Variants in CHRM2 observed in about 807,000 individuals in gnomAD.
CHRM2 encodes the protein muscarinic acetylcholine receptor M2.
A neutral mutation model predicts 25.0 loss-of-function variants in CHRM2; 8 were observed. The observed-to-expected ratio is 0.32, with a 90% CI of 0.19 to 0.58. CHRM2 has a LOEUF of 0.58. CHRM2 is among the 20% of genes least tolerant of loss of function. The pLI, the probability that CHRM2 is intolerant of heterozygous loss-of-function variation, is 0.88. For synonymous variants in CHRM2, 202 were observed against 205.7 expected, an observed-to-expected ratio of 0.98 and a Z score of 0.15; for missense variants, 440 against 567.1, an observed-to-expected ratio of 0.78 and a Z score of 2.28.
chr7:137,000,592 G>GAAGGAAGA, intron 3 of CHRM2, among the ~76,000 whole-genome samples: 2 of 147,790 alleles, frequency 1.4e-5, no homozygotes, highest in South Asian at 4.3e-4. Flanking sequence ...AGGAAGGAAG[G>GAAGGAAGA]GAAAAAAAGC....
rs1327787113 is a variant in CHRM2, at chr7:136,869,194, C to T, written c.-282-67C>T. 2.6e-5 allele frequency: 4 copies of T among 152,312 alleles called. No individual in the cohort carries two copies. The highest frequency in any genetic ancestry group is 5.9e-5 in the Non-Finnish European group (4 of 68,166). 9.4% of individuals were successfully genotyped at this position (152,312 alleles called of 1,614,324 possible). Reference sequence around the variant, plus strand: ...TTGGGGTCGGTTCTCTCCCGCCTCTCCCGCCTCTCCCGCCCCACCCCTACA... The same window carrying T: ...TTGGGGTCGGTTCTCTCCCGCCTCTTCCGCCTCTCCCGCCCCACCCCTACA... On this transcript the variant is annotated intron_variant, in intron 1 of 3. Coordinates refer to ENST00000680005, the MANE Select transcript of CHRM2 (RefSeq NM_001006630.2). The surrounding 1 kb of genome is among the most constrained non-coding windows in gnomAD (Gnocchi z 4.9).
At chr7:136,969,127 T>G (rs559538359) in intron 2 of CHRM2, among the ~76,000 whole-genome samples, 1 of 152,138 alleles carries the variant, frequency 6.6e-6, no homozygotes, top group Non-Finnish European at 1.5e-5. Context: ...AGGGGCATTA[T>G]GTAGAAGTTA....
chr7:137,013,629 T>C (rs949605363), intron 3 of CHRM2, among the ~76,000 whole-genome samples: 4 of 152,036 alleles, frequency 2.6e-5, no homozygotes, highest in Non-Finnish European at 2.9e-5. Context: ...ATCCCCAATA[T>C]ACATTTTCCA....
intron 2 of CHRM2, among the ~76,000 whole-genome samples, chr7:136,886,805 C>T (rs1288412226): frequency 2.0e-5 from 3 of 152,014 alleles, no homozygotes; most frequent in Admixed American, 6.6e-5. Context: ...CCCAGCAGGT[C>T]GAGGCTGCAG....
chr7:136,939,785 C>T (rs148166370), intron 2 of CHRM2, among the ~76,000 whole-genome samples: 61 of 152,240 alleles, frequency 4.0e-4, no homozygotes, highest in African/African-American at 1.4e-3. Context: ...TAAAAATGGA[C>T]ATTTGATGAA....
At chr7:136,937,951 A>C (rs1247875592) in intron 2 of CHRM2, among the ~76,000 whole-genome samples, 1 of 152,190 alleles carries the variant, frequency 6.6e-6, no homozygotes, top group Non-Finnish European at 1.5e-5. Context: ...GGTTTGTATC[A>C]GAAAAAAAGA....
At position 136,869,606 on chromosome 7, in the gene CHRM2, G is replaced by A. The variant is rs1048242998; in HGVS notation, c.-125+188G>A. On this transcript the variant is annotated intron_variant, in intron 2 of 3. Transcript: ENST00000680005. The surrounding 1 kb of genome is among the most constrained non-coding windows in gnomAD (Gnocchi z 4.9). ...TGGATCCTGGGGCTTGGAGGGTTGC[G>A]AGCAGTGATGGCGGGTCTGAAAGGA... Among the ~76,000 whole-genome samples, 1 of 152,160 alleles carries A rather than the reference G, an allele frequency of 6.6e-6. No individual in the cohort carries two copies. Among genetic ancestry groups the A allele is most frequent in the Admixed American group, 6.5e-5 (1 of 15,272 alleles).
rs1181454357 is a variant in CHRM2 at position 136,869,536 on chromosome 7, T to G, written c.-125+118T>G. On this transcript the variant is annotated intron_variant, in intron 2 of 3. Transcript: ENST00000680005. The surrounding 1 kb of genome is among the most constrained non-coding windows in gnomAD (Gnocchi z 4.9). ...GCTCAGGGGTCGGGGCTTGGGGGAA[T>G]TGGAGGGAGGTCCTCCCCACGTGCA... 2 of 152,294 alleles carry G rather than the reference T, an allele frequency of 1.3e-5. No homozygotes were observed. Among genetic ancestry groups the G allele is most frequent in the Non-Finnish European group, 2.9e-5 (2 of 68,172 alleles). 9.4% of individuals were successfully genotyped at this position (152,294 alleles called of 1,614,324 possible).
At chr7:136,899,129 C>T (rs1453579709) in intron 2 of CHRM2, 1 of 152,082 alleles carries the variant, frequency 6.6e-6, no homozygotes, top group Non-Finnish European at 1.5e-5. Flanking sequence ...ATCTCCCATA[C>T]ATTACAATCA....
chr7:136,909,626 T>C lies in CHRM2; in HGVS notation c.-125+40208T>C, dbSNP rs552442955. 4.4e-4 allele frequency among the ~76,000 whole-genome samples: 67 copies of C among 152,068 alleles called. 2 individuals carry two copies. The Middle Eastern group carries it at 0.02, about 46-fold the overall frequency. On this transcript the variant is annotated intron_variant, in intron 2 of 3. Coordinates refer to ENST00000680005, the MANE Select transcript of CHRM2 (RefSeq NM_001006630.2). ...CAAACTATGTCCCAAGAAGACGTGC[T>C]GTATGTATATATGTACATGCATACA...
intron 2 of CHRM2, among the ~76,000 whole-genome samples, chr7:136,879,090 TA>T (rs1796159757): frequency 6.6e-6 from 1 of 152,028 alleles, no homozygotes; most frequent in African/African-American, 2.4e-5. Context: ...AATTTGAATT[TA>T]AAAGTGCTTG....
chr7:136,967,252 G>A (rs186787164), intron 2 of CHRM2, among the ~76,000 whole-genome samples: 1 of 151,952 alleles, frequency 6.6e-6, no homozygotes, highest in Non-Finnish European at 1.5e-5. Context: ...AGATTAATTA[G>A]TTACTTCTCA....
At chr7:136,904,296 C>T (rs1797408811) in intron 2 of CHRM2, among the ~76,000 whole-genome samples, 1 of 151,734 alleles carries the variant, frequency 6.6e-6, no homozygotes, top group African/African-American at 2.4e-5. Context: ...TCATTTTTTA[C>T]AACAGTTTTA....
chr7:136,930,981 T>C (rs567548517), intron 2 of CHRM2, among the ~76,000 whole-genome samples: 2 of 151,514 alleles, frequency 1.3e-5, no homozygotes, highest in Non-Finnish European at 2.9e-5. Context: ...GTAATAGTTT[T>C]AGGGTTTAAA....
intron 3 of CHRM2, among the ~76,000 whole-genome samples, chr7:136,993,116 T>G (rs1222976652): frequency 6.6e-6 from 1 of 152,216 alleles, no homozygotes; most frequent in Non-Finnish European, 1.5e-5. Context: ...TGATAGATAC[T>G]GATGAGCTTA....
chr7:136,878,032 C>A (rs991412617), intron 2 of CHRM2, among the ~76,000 whole-genome samples: 2 of 152,008 alleles, frequency 1.3e-5, no homozygotes, highest in African/African-American at 4.8e-5. Context: ...CATTTCACAA[C>A]CTGTTTTACA....
chr7:136,988,089 G>A (rs1333646068), intron 2 of CHRM2, among the ~76,000 whole-genome samples: 1 of 150,414 alleles, frequency 6.6e-6, no homozygotes, highest in Admixed American at 6.6e-5. Flanking sequence ...ATTTATGTAT[G>A]TAAATATATG....
At chr7:136,926,164 A>T (rs1798739118) in intron 2 of CHRM2, among the ~76,000 whole-genome samples, 1 of 152,298 alleles carries the variant, frequency 6.6e-6, no homozygotes, top group Non-Finnish European at 1.5e-5. Context: ...TAAACCTGGG[A>T]GGTCGAGGCT....
At chr7:136,934,204 C>G (rs1479938680) in intron 2 of CHRM2, among the ~76,000 whole-genome samples, 1 of 152,032 alleles carries the variant, frequency 6.6e-6, no homozygotes, top group East Asian at 1.9e-4. Context: ...CTGTCAATAC[C>G]ATTATTTTTC....
Sources: gnomAD v4.1 joint callset for allele counts (sites outside exome capture counted in the v4.1 genomes callset) on GRCh38, gnomAD v4.1.1 for gene constraint, Gnocchi (gnomAD v3.1) non-coding constraint, MANE v1.5 for transcripts, NCBI Gene and HGNC (gene_info 2026-07-23, HGNC 2026-07-21) for gene names.